DSTYK: variants seen among roughly 807,000 people sequenced by gnomAD.
The protein encoded by DSTYK is dual serine/threonine and tyrosine protein kinase, also known as RIP-homologous kinase.
Under a neutral mutation model 98.7 loss-of-function variants are expected in DSTYK, and 34 were observed. The observed-to-expected ratio is 0.34, with a 90% CI of 0.26 to 0.46. The LOEUF is 0.46. Ranked by LOEUF, DSTYK falls within the 20% of genes least tolerant of loss-of-function variation. The pLI, the probability that DSTYK is intolerant of heterozygous loss-of-function variation, is 1.00. For synonymous variants in DSTYK, 462 were observed against 457.3 expected, an observed-to-expected ratio of 1.01 and a Z score of -0.13; for missense variants, 962 against 1,181.7, an observed-to-expected ratio of 0.81 and a Z score of 2.73.
chr1:205,150,917 T>C lies in DSTYK; in HGVS notation c.2353-123A>G, dbSNP rs1657384521. The C allele has an allele frequency of 5.2e-6, 4 of 774,872 alleles. No individual in the cohort carries two copies. The Admixed American group carries it at 9.2e-5, about 18-fold the overall frequency. The allele number at this position is 774,872 out of a possible 1,614,324, so 48.0% of individuals were successfully genotyped here. A position where few individuals can be genotyped will look rare whatever the true frequency, so the allele number is the denominator to read the frequency against. On this transcript the variant is annotated intron_variant, in intron 10 of 12. Coordinates refer to ENST00000367162, the MANE Select transcript of DSTYK (RefSeq NM_015375.3). This position sits in a 1 kb window ranked among gnomAD's most constrained non-coding sequence, Gnocchi z 4.1. ...ACTGGATAGGATTATGCTCTGAAAA[T>C]GAGTTGTCAGGTGATTTCATCCTTG...
rs35208779 is a variant in DSTYK, at chr1:205,169,278, T to C, written c.1209A>G (p.Glu403=). The C allele has an allele frequency of 1.6e-3, 2,541 of 1,614,070 alleles. 38 individuals carry two copies. In the African/African-American group the frequency reaches 0.03, roughly 19 times the overall value. Residue 403 remains glutamate (E), a synonymous_variant, in exon 3 of 13, where the codon GAA becomes GAG. Transcript: ENST00000367162. This position sits in a 1 kb window ranked among gnomAD's most constrained non-coding sequence, Gnocchi z 4.0. The part of the protein sequence containing the change: ...YTRKKENELY[E]SLMNIANRKQ... ...TTCGGTTGGCAATATTCATCAATGA[T>C]TCATACAACTCATTCTCCTTTTTTC...
chr1:205,185,390 T>A (rs935029654), intron 2 of DSTYK, among the ~76,000 whole-genome samples: 4 of 152,138 alleles, frequency 2.6e-5, no homozygotes, highest in Admixed American at 6.5e-5. Context: ...TATTATTATT[T>A]TTTTTAGAGA....
chr1:205,178,238 A>G (rs1658289329), intron 2 of DSTYK, among the ~76,000 whole-genome samples: 1 of 152,056 alleles, frequency 6.6e-6, no homozygotes, highest in African/African-American at 2.4e-5. Flanking sequence ...TCAACTCATG[A>G]GCATGAAGAC....
In DSTYK at chr1:205,211,465, A is replaced by C; in HGVS notation, c.71T>G (p.Ile24Ser). The C allele has an allele frequency of 1.3e-6, 2 of 1,592,408 alleles. No homozygotes were observed. The highest frequency in any genetic ancestry group is 1.7e-6 in the Non-Finnish European group (2 of 1,173,094). Residue 24 changes from isoleucine to serine, a missense_variant, in exon 1 of 13, where the codon ATC (isoleucine) becomes AGC (serine). Around this residue, in one of 4 missense-constraint regions of DSTYK, gnomAD observed 168 missense variants for 120.0 expected, o/e 1.40. Transcript: ENST00000367162. ...SGPGPGGGGMIRELCRGFGRY... is the reference protein window; with the variant it reads ...SGPGPGGGGMSRELCRGFGRY... Reference sequence around the variant, plus strand: ...GCCGAAGCCCCGGCACAGCTCGCGGATCATTCCGCCGCCGCCGGGGCCGGG... The same window carrying C: ...GCCGAAGCCCCGGCACAGCTCGCGGCTCATTCCGCCGCCGCCGGGGCCGGG...
intron 2 of DSTYK, among the ~76,000 whole-genome samples, chr1:205,184,052 G>A (rs577557716): frequency 8.5e-5 from 13 of 152,114 alleles, no homozygotes; most frequent in Non-Finnish European, 1.9e-4. Flanking sequence ...TAACTATGCT[G>A]AGAGAAAGCT....
At chr1:205,197,056 C>T (rs1164863637) in intron 1 of DSTYK, among the ~76,000 whole-genome samples, 8 of 151,488 alleles carry the variant, frequency 5.3e-5, no homozygotes, top group Non-Finnish European at 2.9e-5. Flanking sequence ...TGAGCCACTG[C>T]GCCTGGCCCT....
Position 205,146,079 on chromosome 1 carries a change from T to TC in DSTYK, c.*1478dup, listed in dbSNP as rs1182521369. Reference sequence around the variant, plus strand: ...CACAGAACTACCAGAGGAGGGTTTTTCTCTTTCGTCTGCTGCTTTTTTTCT... The same window carrying TC: ...CACAGAACTACCAGAGGAGGGTTTTTCCTCTTTCGTCTGCTGCTTTTTTTCT... On this transcript the variant is annotated 3_prime_UTR_variant, in exon 13 of 13. Transcript: ENST00000367162. 1 of 152,186 alleles carries TC rather than the reference T, an allele frequency of 6.6e-6. No homozygotes were observed. Among genetic ancestry groups the TC allele is most frequent in the Admixed American group, 6.5e-5 (1 of 15,278 alleles). 9.4% of individuals were successfully genotyped at this position (152,186 alleles called of 1,614,324 possible). A position where few individuals can be genotyped will look rare whatever the true frequency, so the allele number is the denominator to read the frequency against.
At chr1:205,190,928 T>C (rs1165727436) in intron 1 of DSTYK, among the ~76,000 whole-genome samples, 1 of 152,156 alleles carries the variant, frequency 6.6e-6, no homozygotes, top group Non-Finnish European at 1.5e-5. Flanking sequence ...ACCGACTAAA[T>C]CACTTTTCAG....
chr1:205,194,509 A>C (rs548193807), intron 1 of DSTYK, among the ~76,000 whole-genome samples: 8 of 151,956 alleles, frequency 5.3e-5, no homozygotes, highest in African/African-American at 1.9e-4. Flanking sequence ...CTGGTACCCA[A>C]GGATTTCCCT....
intron 3 of DSTYK, among the ~76,000 whole-genome samples, chr1:205,164,368 T>C (rs1218810769): frequency 3.3e-5 from 5 of 151,162 alleles, no homozygotes; most frequent in Non-Finnish European, 5.9e-5. Context: ...ATTGTGCCAC[T>C]GCACTCCTGC....
In DSTYK at chr1:205,144,909, G is replaced by A. The variant is rs1263104473; in HGVS notation, c.*2649C>T. The A allele has an allele frequency of 6.6e-6, 1 of 152,160 alleles. No homozygotes were observed. The highest frequency in any genetic ancestry group is 6.5e-5 in the Admixed American group (1 of 15,278). 9.4% of individuals were successfully genotyped at this position (152,160 alleles called of 1,614,324 possible). ...AAAATCTAACCTCCCATATGTGAATGAGAGTATGAGCTAATACTTCCCAAG... is the reference window on the plus strand; with the variant it reads ...AAAATCTAACCTCCCATATGTGAATAAGAGTATGAGCTAATACTTCCCAAG... On this transcript the variant is annotated 3_prime_UTR_variant, in exon 13 of 13. Transcript: ENST00000367162.
chr1:205,171,030 G>GA (rs34037566), intron 2 of DSTYK, among the ~76,000 whole-genome samples: 1,640 of 143,610 alleles, frequency 0.011, 26 homozygotes, highest in African/African-American at 0.032. Flanking sequence ...TTCATGTAAG[G>GA]AAAAAAAAAA....
intron 3 of DSTYK, among the ~76,000 whole-genome samples, chr1:205,168,174 G>A (rs1657945370): frequency 6.6e-6 from 1 of 152,214 alleles, no homozygotes; most frequent in African/African-American, 2.4e-5. Context: ...AGACCATGCT[G>A]AGGTTTTGAA....
At chr1:205,167,707 T>G (rs61584043) in intron 3 of DSTYK, among the ~76,000 whole-genome samples, 5,112 of 152,200 alleles carry the variant, frequency 0.034, 277 homozygotes, top group African/African-American at 0.11. Context: ...TCTGTAGAAG[T>G]AGGGAGCCAG....
In DSTYK at chr1:205,211,678, A is replaced by G; in HGVS notation, c.-143T>C. On this transcript the variant is annotated 5_prime_UTR_variant, in exon 1 of 13. Transcript: ENST00000367162. ...GTCAGCCTGGCTCCCAACCTCCGTCACTGCCGTTGCAAACAAACCAAACCG... is the reference window on the plus strand; with the variant it reads ...GTCAGCCTGGCTCCCAACCTCCGTCGCTGCCGTTGCAAACAAACCAAACCG... The G allele has an allele frequency of 1.7e-6, 2 of 1,176,970 alleles. No individual in the cohort carries two copies. Among genetic ancestry groups the G allele is most frequent in the Non-Finnish European group, 2.3e-6 (2 of 883,404 alleles). 72.9% of individuals were successfully genotyped at this position (1,176,970 alleles called of 1,614,324 possible).
chr1:205,169,782 A>G lies in DSTYK; in HGVS notation c.705T>C (p.Asp235=). ...APCQGLRPTV[D]VLGDLVNDFL... ...AATCATTCACCAAGTCACCCAGAAC[A>G]TCCACTGTGGGCCGGAGGCCTTGGC... Residue 235 remains aspartate (D), a synonymous_variant, in exon 3 of 13, where the codon GAT becomes GAC. Transcript: ENST00000367162. The surrounding 1 kb of genome is among the most constrained non-coding windows in gnomAD (Gnocchi z 4.0). The G allele has an allele frequency of 6.2e-7, 1 of 1,614,196 alleles. No individual in the cohort carries two copies.
chr1:205,169,579 A>T lies in DSTYK; in HGVS notation c.908T>A (p.Leu303His). ...TRRMESERSP[L>H]YRQLIDLGYL... is the part of the protein sequence containing the mutation. Reference sequence around the variant, plus strand: ...GCCCAGGTCAATTAGCTGGCGATAAAGCGGTGATCTTTCGCTCTCCATTCT... The same window carrying T: ...GCCCAGGTCAATTAGCTGGCGATAATGCGGTGATCTTTCGCTCTCCATTCT... Residue 303 changes from leucine to histidine, a missense_variant, in exon 3 of 13, where the codon CTT becomes CAT. By Grantham distance (99) the Leu-to-His change is moderately conservative. This residue lies in a region of DSTYK where 660 missense variants were observed against 855.0 expected (regional missense o/e 0.77). Coordinates refer to ENST00000367162, the MANE Select transcript of DSTYK (RefSeq NM_015375.3). The surrounding 1 kb of genome is among the most constrained non-coding windows in gnomAD (Gnocchi z 4.0). The T allele has an allele frequency of 1.9e-6, 3 of 1,614,190 alleles. No homozygotes were observed. The highest frequency in any genetic ancestry group is 2.5e-6 in the Non-Finnish European group (3 of 1,180,012).
chr1:205,160,615 C>T (rs745504584), intron 7 of DSTYK, among the ~76,000 whole-genome samples: 22 of 151,872 alleles, frequency 1.4e-4, no homozygotes, highest in Admixed American at 1.3e-4. Context: ...GGATTACAGG[C>T]ATAAGCCACC....
In DSTYK at chr1:205,204,455, T is replaced by TACACACACAC. The variant is rs56294352; in HGVS notation, c.265+6806_265+6815dup. On this transcript the variant is annotated intron_variant, in intron 1 of 12. Coordinates refer to ENST00000367162, the MANE Select transcript of DSTYK (RefSeq NM_015375.3). Reference sequence around the variant, plus strand: ...CAACTTTCTAAATCAATGCTCACCATACACACACACACACACACACACACA... The same window carrying TACACACACAC: ...CAACTTTCTAAATCAATGCTCACCATACACACACACACACACACACACACACACACACACA... 4.9e-3 allele frequency among the ~76,000 whole-genome samples: 735 copies of TACACACACAC among 148,734 alleles called. 5 individuals carry two copies. Among genetic ancestry groups the TACACACACAC allele is most frequent in the Non-Finnish European group, 5.8e-3 (390 of 67,228 alleles).
Sources: gnomAD v4.1 joint callset for allele counts (sites outside exome capture counted in the v4.1 genomes callset) on GRCh38, gnomAD v4.1.1 for gene constraint, gnomAD v4.1.1 regional missense constraint, Gnocchi (gnomAD v3.1) non-coding constraint, MANE v1.5 for transcripts, NCBI Gene and HGNC (gene_info 2026-07-23, HGNC 2026-07-21) for gene names.